The following SCUBE1 variants were observed in gnomAD, a reference collection of about 807,000 sequenced individuals.
SCUBE1 encodes signal peptide, CUB domain and EGF like domain containing 1.
SCUBE1 carries 59 observed loss-of-function variants against 124.4 expected under a neutral mutation model. The observed-to-expected ratio is 0.47, with a 90% confidence interval of 0.38 to 0.59. SCUBE1 has a LOEUF of 0.59. Among genes scored for constraint, SCUBE1 ranks in the 20% least tolerant of loss-of-function variants. The pLI, the probability that SCUBE1 is intolerant of heterozygous loss-of-function variation, is 0.00. For synonymous variants in SCUBE1, 545 were observed against 550.9 expected (o/e 0.99, Z 0.15); for missense variants, 1,150 against 1,371.2 (o/e 0.84, Z 2.55).
In SCUBE1 at chr22:43,320,084, G is replaced by A; in HGVS notation, c.221-19C>T. On this transcript the variant is annotated intron_variant, in intron 2 of 21. Coordinates refer to ENST00000360835, the MANE Select transcript of SCUBE1 (RefSeq NM_173050.5). ...TCAATGTCTGCAAAAGGAAGGGCATGAGAGGTGTCAGAAGAAGAGCCTGGT... is the reference window on the plus strand; with the variant it reads ...TCAATGTCTGCAAAAGGAAGGGCATAAGAGGTGTCAGAAGAAGAGCCTGGT... 6.2e-7 allele frequency: 1 copy of A among 1,613,430 alleles called. No individual in the cohort carries two copies. The highest frequency in any genetic ancestry group is 2.2e-5 in the East Asian group (1 of 44,860).
chr22:43,330,880 G>C (rs1194441718), intron 2 of SCUBE1, among the ~76,000 whole-genome samples: 2 of 152,016 alleles, frequency 1.3e-5, no homozygotes, highest in Admixed American at 6.5e-5. Context: ...TTTCATCTTC[G>C]GCAGAGCACA....
rs757000818 is a variant in SCUBE1 at position 43,208,244 on chromosome 22, G to A, written c.2582-20C>T. 8.7e-6 allele frequency: 14 copies of A among 1,613,280 alleles called. No homozygotes were observed. The highest frequency in any genetic ancestry group is 1.1e-5 in the Non-Finnish European group (13 of 1,179,676). On this transcript the variant is annotated intron_variant, in intron 19 of 21. Transcript: ENST00000360835. ...GAGAGGCTGCGGGTGAAGCATCATT[G>A]CTGAGCTGCCACAGGTAGGCAGCTC...
intron 16 of SCUBE1, 43 bp downstream of exon 16, chr22:43,214,047 G>GGGGGCCCCCC: frequency 7.0e-6 from 1 of 143,440 alleles, no homozygotes; most frequent in Non-Finnish European, 1.3e-5. Context: ...AGGAGCCCCC[G>GGGGGCCCCCC]CCCACCCCCC....
chr22:43,277,527 C>G (rs1228005494), intron 4 of SCUBE1, among the ~76,000 whole-genome samples: 2 of 152,206 alleles, frequency 1.3e-5, no homozygotes, highest in African/African-American at 4.8e-5. Flanking sequence ...CCTGGCCCCC[C>G]ATCCATTGGT....
In SCUBE1 at chr22:43,222,626, CG is replaced by C. The variant is rs139005; in HGVS notation, c.1432+11del. 1,122,855 of 1,562,576 alleles carry C rather than the reference CG, an allele frequency of 0.72. 407,866 individuals are homozygous for C. Among genetic ancestry groups the C allele is most frequent in the African/African-American group, 0.92 (68,610 of 74,218 alleles). ...CCAGTGGCATGCAGCATGGACAGGC[CG>C]GGGGGGTTACCTGAGCAGCTGGGCC... On this transcript the variant is annotated intron_variant, in intron 12 of 21. Transcript: ENST00000360835.
At chr22:43,341,091 ACACACACACATGCATGCACGTGTGCG>A (rs1209538955) in intron 1 of SCUBE1, among the ~76,000 whole-genome samples, 2 of 152,098 alleles carry the variant, frequency 1.3e-5, no homozygotes, top group Non-Finnish European at 2.9e-5. Flanking sequence ...GCACACACAC[ACACACACACATGCATGCACGTGTGCG>A]CACACACACG....
In SCUBE1 at chr22:43,199,347, A is replaced by G. The variant is rs571277114; in HGVS notation, c.*4650T>C. 76 of 153,450 alleles carry G rather than the reference A, an allele frequency of 5.0e-4. 2 individuals carry two copies. The highest frequency in any genetic ancestry group is 1.2e-3 in the South Asian group (6 of 4,810). The allele number at this position is 153,450 out of a possible 1,614,324, so 9.5% of individuals were successfully genotyped here. On this transcript the variant is annotated 3_prime_UTR_variant, in exon 22 of 22. Coordinates refer to ENST00000360835, the MANE Select transcript of SCUBE1 (RefSeq NM_173050.5). ...AGCCCAGGGGACAGGCTTCACTGAG[A>G]CGCTGCCTGCGGATGGTGCGTCTCT...
intron 3 of SCUBE1, among the ~76,000 whole-genome samples, chr22:43,300,180 G>A (rs926796600): frequency 6.6e-6 from 1 of 152,078 alleles, no homozygotes; most frequent in African/African-American, 2.4e-5. Context: ...CTCCATGTGT[G>A]CCCTTTTTGA....
intron 3 of SCUBE1, among the ~76,000 whole-genome samples, chr22:43,307,556 G>A (rs929081157): frequency 6.6e-6 from 1 of 152,182 alleles, no homozygotes; most frequent in Non-Finnish European, 1.5e-5. Context: ...CGCACTGCCA[G>A]GTCACGGGAT....
At chr22:43,237,506 G>A (rs58929958) in intron 7 of SCUBE1, 37,831 of 152,132 alleles carry the variant, frequency 0.25, 5,166 homozygotes, top group African/African-American at 0.37. Flanking sequence ...GTCATGTGGC[G>A]AGGACTCAGA....
chr22:43,219,339 G>A (rs1484607863), intron 14 of SCUBE1, among the ~76,000 whole-genome samples: 2 of 152,184 alleles, frequency 1.3e-5, no homozygotes, highest in Non-Finnish European at 2.9e-5. Flanking sequence ...GTGAGCAGAA[G>A]CAGCCTAAGG....
At chr22:43,217,714 C>T (rs965968362) in intron 15 of SCUBE1, among the ~76,000 whole-genome samples, 2 of 152,130 alleles carry the variant, frequency 1.3e-5, no homozygotes, top group Admixed American at 6.5e-5. Context: ...AGGACTGTCT[C>T]GTGTGCTGGT....
chr22:43,265,209 C>T (rs1035542652), intron 4 of SCUBE1, among the ~76,000 whole-genome samples: 5 of 152,170 alleles, frequency 3.3e-5, no homozygotes, highest in African/African-American at 9.7e-5. Context: ...TTTTCTCCCT[C>T]GTCGTGGACT....
intron 19 of SCUBE1, 92 bp downstream of exon 19, chr22:43,209,951 T>A: frequency 7.3e-7 from 1 of 1,377,798 alleles, no homozygotes; most frequent in South Asian, 1.4e-5. Flanking sequence ...CTCTGCCCTG[T>A]GAAGGCAGCG....
chr22:43,306,515 T>G (rs1400283759), intron 3 of SCUBE1, among the ~76,000 whole-genome samples: 1 of 152,040 alleles, frequency 6.6e-6, no homozygotes, highest in Non-Finnish European at 1.5e-5. Context: ...ACAACAGATT[T>G]CAATCCAGTG....
At chr22:43,337,284 A>G (rs574256595) in intron 2 of SCUBE1, among the ~76,000 whole-genome samples, 2 of 152,234 alleles carry the variant, frequency 1.3e-5, no homozygotes, top group Admixed American at 1.3e-4. Flanking sequence ...TTTTAGGGAA[A>G]CAGGTAAGGC....
intron 2 of SCUBE1, among the ~76,000 whole-genome samples, chr22:43,322,467 C>G (rs114775323): frequency 0.022 from 3,344 of 152,248 alleles, 124 homozygotes; most frequent in African/African-American, 0.076. Context: ...TTCCTCATCC[C>G]GGTGAATATT....
intron 3 of SCUBE1, among the ~76,000 whole-genome samples, chr22:43,296,359 A>G (rs1925559255): frequency 6.6e-6 from 1 of 152,214 alleles, no homozygotes; most frequent in Non-Finnish European, 1.5e-5. Flanking sequence ...TCCGGGGTCC[A>G]GAATCCCTGG....
chr22:43,235,305 G>C (rs5996296), intron 7 of SCUBE1, among the ~76,000 whole-genome samples: 2 of 152,046 alleles, frequency 1.3e-5, no homozygotes, highest in African/African-American at 2.4e-5. Context: ...CTATAGGGAC[G>C]CACAGGACAC....
Sources: gnomAD v4.1 joint callset for allele counts (sites outside exome capture counted in the v4.1 genomes callset) on GRCh38, gnomAD v4.1.1 for gene constraint, MANE v1.5 for transcripts, NCBI Gene and HGNC (gene_info 2026-07-23, HGNC 2026-07-21) for gene names.